CDH12: variants seen among roughly 807,000 people sequenced by gnomAD.
The protein encoded by CDH12 is cadherin-12.
CDH12 carries 41 observed loss-of-function variants against 74.1 expected under a neutral mutation model. The observed-to-expected ratio is 0.55, with a 90% CI of 0.43 to 0.72. CDH12 has a LOEUF of 0.72. Ranked by LOEUF, CDH12 falls within the 30% of genes least tolerant of loss-of-function variation. CDH12 has a pLI of 0.00. For synonymous variants in CDH12, 399 were observed against 355.0 expected (o/e 1.12, Z -1.39); for missense variants, 945 against 977.2 (o/e 0.97, Z 0.44).
At chr5:22,457,599 G>A (rs1745333330) in intron 2 of CDH12, among the ~76,000 whole-genome samples, 2 of 121,692 alleles carry the variant, frequency 1.6e-5, no homozygotes, top group Admixed American at 8.9e-5. Context: ...TTTTTTTTGA[G>A]ACAGAGTCTT....
At chr5:21,969,769 AC>A (rs1328518848) in intron 6 of CDH12, among the ~76,000 whole-genome samples, 2 of 152,146 alleles carry the variant, frequency 1.3e-5, no homozygotes, top group South Asian at 4.1e-4. Flanking sequence ...TAAGTTATAT[AC>A]AACCTTTATC....
At chr5:22,809,925 A>C (rs1749052575) in intron 1 of CDH12, among the ~76,000 whole-genome samples, 1 of 152,152 alleles carries the variant, frequency 6.6e-6, no homozygotes, top group Non-Finnish European at 1.5e-5. Flanking sequence ...AGATTAATTC[A>C]AGATAGTCTA....
At chr5:22,441,686 A>G (rs1744629217) in intron 2 of CDH12, among the ~76,000 whole-genome samples, 1 of 152,086 alleles carries the variant, frequency 6.6e-6, no homozygotes, top group Non-Finnish European at 1.5e-5. Context: ...AAAAATAGAT[A>G]TATTATTTGT....
At chr5:22,502,717 C>T (rs144226973) in intron 2 of CDH12, among the ~76,000 whole-genome samples, 26 of 151,700 alleles carry the variant, frequency 1.7e-4, no homozygotes, top group South Asian at 4.2e-4. Context: ...AAAAGCAAAC[C>T]GACTAAAACA....
chr5:22,828,798 T>G (rs2218292), intron 1 of CDH12, among the ~76,000 whole-genome samples: 102,643 of 151,998 alleles, frequency 0.68, 35,038 homozygotes, highest in Admixed American at 0.72. Context: ...ATGATGTACA[T>G]GAAGACTTGT....
Position 21,883,200 on chromosome 5 carries a change from G to A in CDH12, c.527-28410C>T, listed in dbSNP as rs1475800414. 3.3e-5 allele frequency: 47 copies of A among 1,406,510 alleles called. No homozygotes were observed. In the South Asian group the frequency reaches 5.1e-4, roughly 15 times the overall value. The allele number at this position is 1,406,510 out of a possible 1,614,324, so 87.1% of individuals were successfully genotyped here. A position where few individuals can be genotyped will look rare whatever the true frequency, so the allele number is the denominator to read the frequency against. On this transcript the variant is annotated intron_variant, in intron 6 of 14. Coordinates refer to ENST00000382254, the MANE Select transcript of CDH12 (RefSeq NM_004061.5). ...AAAGGGTGTCATCACAGTAAAGGAT[G>A]GAAAAACACTGAATGATGAATTAGA...
intron 8 of CDH12, among the ~76,000 whole-genome samples, chr5:21,823,225 A>G (rs1748469763): frequency 6.6e-6 from 1 of 152,150 alleles, no homozygotes; most frequent in African/African-American, 2.4e-5. Context: ...ACACAATTCT[A>G]TTCAATGTTT....
intron 4 of CDH12, among the ~76,000 whole-genome samples, chr5:22,101,161 A>G (rs567867451): frequency 6.6e-6 from 1 of 152,126 alleles, no homozygotes; most frequent in South Asian, 2.1e-4. Context: ...CAGCATGCAA[A>G]TATTTATTGG....
At chr5:22,149,220 A>T (rs1197569819) in intron 4 of CDH12, among the ~76,000 whole-genome samples, 2 of 152,212 alleles carry the variant, frequency 1.3e-5, no homozygotes, top group African/African-American at 2.4e-5. Context: ...CCCTATTTCT[A>T]AAAAGGGTCA....
At chr5:22,817,835 C>A (rs576258287) in intron 1 of CDH12, among the ~76,000 whole-genome samples, 6 of 152,120 alleles carry the variant, frequency 3.9e-5, no homozygotes, top group Non-Finnish European at 8.8e-5. Flanking sequence ...AACTCTTTTT[C>A]TTTCAAAGAA....
chr5:22,479,456 C>A (rs1188898583), intron 2 of CDH12, among the ~76,000 whole-genome samples: 1 of 152,196 alleles, frequency 6.6e-6, no homozygotes, highest in African/African-American at 2.4e-5. Flanking sequence ...AGCCTCGATG[C>A]ACTGCATAAG....
rs564290457 is a variant in CDH12 at position 22,119,036 on chromosome 5, G to A, written c.-186-40174C>T. On this transcript the variant is annotated intron_variant, in intron 4 of 14. Coordinates refer to ENST00000382254, the MANE Select transcript of CDH12 (RefSeq NM_004061.5). ...GAGAACAAGAAGAAGTAATAGGATC[G>A]CCTTTTCAATTTTTCCTATGTACAT... Among the ~76,000 whole-genome samples the A allele has an allele frequency of 6.4e-4, 97 of 152,112 alleles. 1 individual carries two copies. In the South Asian group the frequency reaches 0.019, roughly 30 times the overall value.
intron 4 of CDH12, among the ~76,000 whole-genome samples, chr5:22,091,269 G>A (rs1743413102): frequency 6.7e-6 from 1 of 148,612 alleles, no homozygotes; most frequent in Non-Finnish European, 1.5e-5. Flanking sequence ...AGATATTTGT[G>A]TGTGTGTTTG....
intron 8 of CDH12, among the ~76,000 whole-genome samples, chr5:21,837,384 C>T (rs190543917): frequency 4.6e-5 from 7 of 150,918 alleles, no homozygotes; most frequent in Admixed American, 1.3e-4. Context: ...AGCCAAAATG[C>T]TTTACAATTA....
intron 2 of CDH12, among the ~76,000 whole-genome samples, chr5:22,470,327 T>A (rs547420583): frequency 6.6e-6 from 1 of 152,250 alleles, no homozygotes; most frequent in Admixed American, 6.5e-5. Context: ...TGTACTCCCA[T>A]TATTGAGACT....
chr5:22,279,120 C>T (rs918355389), intron 3 of CDH12, among the ~76,000 whole-genome samples: 5 of 151,978 alleles, frequency 3.3e-5, no homozygotes, highest in Admixed American at 1.3e-4. Context: ...TATACTGAAA[C>T]ATTCATATGC....
At position 21,750,866 on chromosome 5, in the gene CDH12, C is replaced by A. The variant is rs1377742733; in HGVS notation, c.*871G>T. The A allele has an allele frequency of 6.6e-6, 1 of 151,876 alleles. No homozygotes were observed. The allele number at this position is 151,876 out of a possible 1,614,324, so 9.4% of individuals were successfully genotyped here. The stretch of plus-strand genomic sequence containing the variant: ...AAAACCAATTTTCCACACACCAGTA[C>A]AATATTAAGCAAAACCAATATTTAT... On this transcript the variant is annotated 3_prime_UTR_variant, in exon 15 of 15. Transcript: ENST00000382254.
At chr5:22,072,530 TTGTGTGTGTGTG>T (rs36214247) in intron 5 of CDH12, among the ~76,000 whole-genome samples, 81 of 146,348 alleles carry the variant, frequency 5.5e-4, no homozygotes, top group African/African-American at 1.8e-3. Context: ...TATAGCACTT[TTGTGTGTGTGTG>T]TGTGTGTGTG....
chr5:21,853,171 T>C (rs960331048), intron 7 of CDH12, among the ~76,000 whole-genome samples: 13 of 151,644 alleles, frequency 8.6e-5, no homozygotes, highest in African/African-American at 3.1e-4. Context: ...TTAGATGATA[T>C]TGCTAAACAT....
Sources: allele counts gnomAD v4.1 joint callset (sites outside exome capture counted in the v4.1 genomes callset), GRCh38; gene constraint gnomAD v4.1.1; transcripts MANE v1.5; gene names NCBI Gene and HGNC (gene_info 2026-07-23, HGNC 2026-07-21).